The following ANKRD55 variants were observed in gnomAD, a reference collection of about 807,000 sequenced individuals.
The protein encoded by ANKRD55 is ankyrin repeat domain-containing protein 55.
In ANKRD55, 41 loss-of-function variants were observed where a neutral mutation model predicts 60.6. The ratio of observed to expected loss-of-function variants is 0.68; its 90% CI spans 0.53 to 0.88. The LOEUF is 0.88. ANKRD55 is among the 40% of genes least tolerant of loss of function. The probability of loss-of-function intolerance (pLI) is 0.00; values close to 1 mark genes in which losing one functional copy is unlikely to be tolerated. For missense variants in ANKRD55, 732 were observed against 767.6 expected (o/e 0.95, Z 0.55); for synonymous variants, 264 against 290.3 (o/e 0.91, Z 0.92).
intron 10 of ANKRD55, among the ~76,000 whole-genome samples, chr5:56,106,289 A>G (rs975860557): frequency 2.0e-5 from 3 of 152,146 alleles, no homozygotes; most frequent in Non-Finnish European, 4.4e-5. Flanking sequence ...AAACTTTCAC[A>G]TAAAGTTTCA....
chr5:56,193,456 C>A, intron 2 of ANKRD55: 1 of 504,252 alleles, frequency 2.0e-6, no homozygotes. Flanking sequence ...CTGTTCCGAT[C>A]TTGCAGTTTC....
intron 9 of ANKRD55, among the ~76,000 whole-genome samples, chr5:56,112,510 A>AAAAAAAAAAAAAAAAAAAAC (rs1554036580): frequency 7.2e-6 from 1 of 138,004 alleles, no homozygotes; most frequent in African/African-American, 2.6e-5. Flanking sequence ...CTAGCAAAAA[A>AAAAAAAAAAAAAAAAAAAAC]AAAAAAAAAA....
chr5:56,214,498 C>G (rs1366828853), intron 2 of ANKRD55, among the ~76,000 whole-genome samples: 3 of 152,178 alleles, frequency 2.0e-5, no homozygotes, highest in Non-Finnish European at 4.4e-5. Flanking sequence ...CAGTTTCAAA[C>G]AATCTTTTGT....
intron 2 of ANKRD55, among the ~76,000 whole-genome samples, chr5:56,215,323 C>T (rs1347693284): frequency 6.6e-6 from 1 of 152,210 alleles, no homozygotes; most frequent in East Asian, 1.9e-4. Flanking sequence ...TCTTTCTCCT[C>T]CTCCTGGGAT....
intron 4 of ANKRD55, among the ~76,000 whole-genome samples, chr5:56,173,065 G>C (rs761838973): frequency 6.6e-6 from 1 of 152,118 alleles, no homozygotes; most frequent in Non-Finnish European, 1.5e-5. Flanking sequence ...CCCAAAACTC[G>C]ACTAGTGCCA....
chr5:56,184,857 A>G (rs551310211), intron 2 of ANKRD55, among the ~76,000 whole-genome samples: 14 of 151,844 alleles, frequency 9.2e-5, no homozygotes, highest in African/African-American at 3.1e-4. Flanking sequence ...TTGTGCCACT[A>G]TACTCCAGCC....
At chr5:56,130,586 C>G (rs567870237) in intron 7 of ANKRD55, among the ~76,000 whole-genome samples, 2 of 152,040 alleles carry the variant, frequency 1.3e-5, no homozygotes, top group African/African-American at 4.8e-5. Flanking sequence ...GTCTGGCTAT[C>G]GAGAAAAAAT....
chr5:56,134,880 G>A (rs55876131), intron 7 of ANKRD55, among the ~76,000 whole-genome samples: 18,718 of 152,006 alleles, frequency 0.12, 1,219 homozygotes, highest in Middle Eastern at 0.24. Flanking sequence ...ATCTAGCAAC[G>A]TAAAAAAAGA....
intron 2 of ANKRD55, among the ~76,000 whole-genome samples, chr5:56,193,841 A>G (rs1299497494): frequency 6.6e-6 from 1 of 152,228 alleles, no homozygotes; most frequent in Non-Finnish European, 1.5e-5. Context: ...ACAGTCATAT[A>G]AAAATATATC....
chr5:56,160,364 G>A (rs982064121), intron 5 of ANKRD55, among the ~76,000 whole-genome samples: 1 of 152,086 alleles, frequency 6.6e-6, no homozygotes, highest in Non-Finnish European at 1.5e-5. Flanking sequence ...TCAGCCTCCC[G>A]AGTAGCTGGG....
chr5:56,137,225 G>A (rs1249626564), intron 7 of ANKRD55: 12 of 1,608,594 alleles, frequency 7.5e-6, no homozygotes, highest in Non-Finnish European at 1.0e-5. Flanking sequence ...AAGGTCGGTG[G>A]CCCAAAAAGA....
At chr5:56,137,023 C>A in intron 7 of ANKRD55, 1 of 723,964 alleles carries the variant, frequency 1.4e-6, no homozygotes, top group Non-Finnish European at 2.6e-6. Context: ...CAAAATCATG[C>A]AAATCAAGAG....
Position 56,176,026 on chromosome 5 carries a change from G to C in ANKRD55, c.312+126C>G. 3 of 1,236,144 alleles carry C rather than the reference G, an allele frequency of 2.4e-6. No individual in the cohort carries two copies. The South Asian group carries it at 4.3e-5, about 18-fold the overall frequency. 76.6% of individuals were successfully genotyped at this position (1,236,144 alleles called of 1,614,324 possible). On this transcript the variant is annotated intron_variant, in intron 4 of 11. Coordinates refer to ENST00000341048, the MANE Select transcript of ANKRD55 (RefSeq NM_024669.3). ...AAACGTTGAAGATGATTGGAGTAAAGCTTCAAGTTCCAGCTCCTTTAGCCA... is the reference window on the plus strand; with the variant it reads ...AAACGTTGAAGATGATTGGAGTAAACCTTCAAGTTCCAGCTCCTTTAGCCA...
chr5:56,139,137 A>G (rs375015399), intron 7 of ANKRD55, among the ~76,000 whole-genome samples: 3 of 152,148 alleles, frequency 2.0e-5, no homozygotes, highest in Admixed American at 6.5e-5. Flanking sequence ...CTTCCTCTCA[A>G]TTTTATTGGG....
Position 56,166,158 on chromosome 5 carries a change from T to TTTCTTTCCTTCCTTCCTTCC in ANKRD55, c.422+4535_422+4536insGGAAGGAAGGAAGGAAAGAA, listed in dbSNP as rs1554040812. Reference sequence around the variant, plus strand: ...TCTTTCTTTCTTTCTTTCTTTCTTCTTTCCTTCCTTCCTTCCTTCCTTCCT... The same window carrying TTTCTTTCCTTCCTTCCTTCC: ...TCTTTCTTTCTTTCTTTCTTTCTTCTTTCTTTCCTTCCTTCCTTCCTTCCTTCCTTCCTTCCTTCCTTCCT... On this transcript the variant is annotated intron_variant, in intron 5 of 11. Transcript: ENST00000341048. 1.2e-3 allele frequency among the ~76,000 whole-genome samples: 85 copies of TTTCTTTCCTTCCTTCCTTCC among 72,454 alleles called. 10 individuals are homozygous for TTTCTTTCCTTCCTTCCTTCC. Among genetic ancestry groups the TTTCTTTCCTTCCTTCCTTCC allele is most frequent in the African/African-American group, 5.1e-3 (79 of 15,498 alleles). The allele number at this position is 72,454 out of a possible 152,430, so 47.5% of individuals were successfully genotyped here. A position where few individuals can be genotyped will look rare whatever the true frequency, so the allele number is the denominator to read the frequency against.
chr5:56,141,010 C>A (rs1193177742), intron 7 of ANKRD55, among the ~76,000 whole-genome samples: 1 of 151,894 alleles, frequency 6.6e-6, no homozygotes, highest in Admixed American at 6.6e-5. Context: ...ATGCAGTGAG[C>A]CAAGATCGCA....
At chr5:56,159,690 A>T in intron 6 of ANKRD55, 143 bp downstream of exon 6, 3 of 772,922 alleles carry the variant, frequency 3.9e-6, no homozygotes, top group Non-Finnish European at 6.6e-6. Context: ...TAGTGAAAAC[A>T]GGTCTCCCTT....
At chr5:56,225,101 C>T (rs974661816) in intron 2 of ANKRD55, among the ~76,000 whole-genome samples, 38 of 152,202 alleles carry the variant, frequency 2.5e-4, no homozygotes, top group Non-Finnish European at 3.7e-4. Context: ...ACTGGCAAAC[C>T]GAACCCAGCA....
intron 9 of ANKRD55, among the ~76,000 whole-genome samples, chr5:56,115,214 T>TAATAAATAAATAAATA (rs60123277): frequency 1.4e-5 from 2 of 144,640 alleles, no homozygotes; most frequent in African/African-American, 5.1e-5. Flanking sequence ...ATAATAATAA[T>TAATAAATAAATAAATA]AATAAATAAA....
Sources: gnomAD v4.1 joint callset for allele counts (sites outside exome capture counted in the v4.1 genomes callset) on GRCh38, gnomAD v4.1.1 for gene constraint, MANE v1.5 for transcripts, NCBI Gene and HGNC (gene_info 2026-07-23, HGNC 2026-07-21) for gene names.